The following ZNF280C variants were observed in gnomAD, a reference collection of about 807,000 sequenced individuals.
ZNF280C encodes the protein zinc finger protein 280C, also known as suppressor of hairy wing homolog 3.
ZNF280C carries 14 observed loss-of-function variants against 53.6 expected under a neutral mutation model. The observed-to-expected ratio is 0.26, with a 90% confidence interval of 0.17 to 0.41. The LOEUF (loss-of-function observed/expected upper bound fraction) is 0.41. ZNF280C is among the 10% of genes least tolerant of loss of function. The pLI, the probability that ZNF280C is intolerant of heterozygous loss-of-function variation, is 1.00. For synonymous variants in ZNF280C, 203 were observed against 181.1 expected (o/e 1.12, Z -0.97); for missense variants, 416 against 547.1 (o/e 0.76, Z 2.39).
chrX:130,261,179 A>G (rs1259316517), intron 1 of ZNF280C, among the ~76,000 whole-genome samples: 1 of 112,036 alleles, frequency 8.9e-6, no homozygotes, highest in African/African-American at 3.2e-5. Flanking sequence ...CCTTGCCTTC[A>G]GAAGTTTACA....
intron 2 of ZNF280C, among the ~76,000 whole-genome samples, chrX:130,250,049 G>C (rs1427522011): frequency 8.9e-6 from 1 of 111,765 alleles, no homozygotes; most frequent in Non-Finnish European, 1.9e-5. Context: ...ACAAGCGGAG[G>C]AAAGAATCTC....
At position 130,268,743 on chromosome X, in the gene ZNF280C, G is replaced by C. The variant is rs1482695807; in HGVS notation, c.-17+19C>G. 8.9e-6 allele frequency: 1 copy of C among 112,456 alleles called. No individual in the cohort carries two copies. Among genetic ancestry groups the C allele is most frequent in the East Asian group, 2.8e-4 (1 of 3,533 alleles). The allele number at this position is 112,456 out of a possible 1,213,427, so 9.3% of individuals were successfully genotyped here. Reference sequence around the variant, plus strand: ...CTGCCTCCTTCCGCGCGGCACAGGCGGGGGCGGGGGCCGCTTACCGAGAGC... The same window carrying C: ...CTGCCTCCTTCCGCGCGGCACAGGCCGGGGCGGGGGCCGCTTACCGAGAGC... On this transcript the variant is annotated intron_variant, in intron 1 of 18. Coordinates refer to ENST00000370978, the MANE Select transcript of ZNF280C (RefSeq NM_017666.5).
intron 2 of ZNF280C, among the ~76,000 whole-genome samples, chrX:130,252,139 A>G: frequency 8.9e-6 from 1 of 111,982 alleles, no homozygotes. Context: ...CAAAAAACGA[A>G]AAAACCAAAA....
In ZNF280C at chrX:130,224,925, T is replaced by C. The variant is rs963961133; in HGVS notation, c.1395+1834A>G. 4.5e-5 allele frequency among the ~76,000 whole-genome samples: 5 copies of C among 111,894 alleles called. No individual in the cohort carries two copies. The South Asian group carries it at 1.9e-3, about 42-fold the overall frequency. ...AAACCACTCTTATCAGTTAATAACA[T>C]AGAGAACATTTTAGAAGCTCAATTT... On this transcript the variant is annotated intron_variant, in intron 12 of 18. Coordinates refer to ENST00000370978, the MANE Select transcript of ZNF280C (RefSeq NM_017666.5).
chrX:130,222,800 G>T (rs781511336), intron 12 of ZNF280C, among the ~76,000 whole-genome samples: 3 of 111,363 alleles, frequency 2.7e-5, no homozygotes, highest in Non-Finnish European at 5.7e-5. Context: ...AACTAGCTGG[G>T]ATTACAGGCA....
intron 1 of ZNF280C, among the ~76,000 whole-genome samples, chrX:130,264,395 G>A (rs1010648979): frequency 3.6e-5 from 4 of 111,532 alleles, no homozygotes; most frequent in Non-Finnish European, 7.5e-5. Flanking sequence ...TCAAACCAGG[G>A]TCAACAGACC....
intron 2 of ZNF280C, among the ~76,000 whole-genome samples, chrX:130,250,709 G>C (rs1462059756): frequency 8.9e-6 from 1 of 112,211 alleles, no homozygotes; most frequent in Non-Finnish European, 1.9e-5. Context: ...GTACAAAGAA[G>C]AGCTGGTACT....
intron 2 of ZNF280C, 67 bp downstream of exon 2, chrX:130,260,350 CTT>C: frequency 2.2e-6 from 2 of 890,643 alleles, no homozygotes; most frequent in South Asian, 3.3e-5. Context: ...TGTCTCTAAT[CTT>C]TTCTTTTGAA....
intron 13 of ZNF280C, among the ~76,000 whole-genome samples, chrX:130,216,640 C>T (rs953550755): frequency 2.7e-5 from 3 of 111,986 alleles, no homozygotes; most frequent in Non-Finnish European, 5.6e-5. Flanking sequence ...TTGGCTAGGA[C>T]ATAGAGAAAT....
At chrX:130,255,967 CAAG>C (rs2032567070) in intron 2 of ZNF280C, among the ~76,000 whole-genome samples, 1 of 110,621 alleles carries the variant, frequency 9.0e-6, no homozygotes, top group Admixed American at 9.6e-5. Flanking sequence ...AACAAACAAA[CAAG>C]AATAAAGAAC....
At chrX:130,241,725 C>T (rs1436379709) in intron 5 of ZNF280C, among the ~76,000 whole-genome samples, 1 of 111,893 alleles carries the variant, frequency 8.9e-6, no homozygotes, top group African/African-American at 3.3e-5. Context: ...GATCATGCTA[C>T]TACATTCCAG....
chrX:130,224,079 G>GC (rs1426328984), intron 12 of ZNF280C, among the ~76,000 whole-genome samples: 1 of 111,478 alleles, frequency 9.0e-6, no homozygotes, highest in Non-Finnish European at 1.9e-5. Context: ...TGTCCCCTCC[G>GC]CCCCCCAATT....
intron 17 of ZNF280C, 65 bp downstream of exon 17, chrX:130,205,232 G>T: frequency 9.1e-7 from 1 of 1,098,959 alleles, no homozygotes; most frequent in Non-Finnish European, 1.2e-6. Flanking sequence ...GGTCCATATG[G>T]TGTCCGATCA....
At chrX:130,243,079 T>G (rs1047019779) in intron 5 of ZNF280C, among the ~76,000 whole-genome samples, 3 of 112,397 alleles carry the variant, frequency 2.7e-5, no homozygotes, top group Non-Finnish European at 3.8e-5. Context: ...CTGCAGTTAT[T>G]ATTTTGGGTT....
intron 5 of ZNF280C, among the ~76,000 whole-genome samples, 182 bp downstream of exon 5, chrX:130,243,381 G>A (rs1400261583): frequency 3.6e-5 from 4 of 111,073 alleles, no homozygotes; most frequent in Admixed American, 2.9e-4. Flanking sequence ...ATGTGGTCTT[G>A]CCATGTTGGC....
chrX:130,244,549 G>A lies in ZNF280C; in HGVS notation c.179-684C>T, dbSNP rs1399203715. On this transcript the variant is annotated intron_variant, in intron 3 of 18. Transcript: ENST00000370978. The stretch of plus-strand genomic sequence containing the variant: ...TCCCAGCACTTTGGGAGGCCGAGGC[G>A]GGCAGATCATGAGGTCAGGAGATCG... 1.1e-4 allele frequency among the ~76,000 whole-genome samples: 12 copies of A among 110,335 alleles called. No homozygotes were observed. In the South Asian group the frequency reaches 1.2e-3, roughly 11 times the overall value.
chrX:130,252,329 T>C (rs2032522505), intron 2 of ZNF280C, among the ~76,000 whole-genome samples: 1 of 111,532 alleles, frequency 9.0e-6, no homozygotes, highest in Non-Finnish European at 1.9e-5. Flanking sequence ...ATAAATGTGA[T>C]TCATCACATA....
chrX:130,267,223 G>A (rs765229086), intron 1 of ZNF280C, among the ~76,000 whole-genome samples: 108 of 110,950 alleles, frequency 9.7e-4, no homozygotes, highest in Non-Finnish European at 1.3e-3. Flanking sequence ...TTTTCAATAG[G>A]ATATTCTTCA....
At chrX:130,222,329 CA>C (rs1352711551) in intron 12 of ZNF280C, among the ~76,000 whole-genome samples, 12 of 105,649 alleles carry the variant, frequency 1.1e-4, no homozygotes, top group East Asian at 5.7e-4. Flanking sequence ...CACACACACA[CA>C]CCCTTCTCTA....
Sources: allele counts gnomAD v4.1 joint callset (sites outside exome capture counted in the v4.1 genomes callset), GRCh38; gene constraint gnomAD v4.1.1; transcripts MANE v1.5; gene names NCBI Gene and HGNC (gene_info 2026-07-23, HGNC 2026-07-21).